Variants in PHIP observed in about 807,000 individuals in gnomAD.
PHIP encodes PH-interacting protein.
Under a neutral mutation model 236.8 loss-of-function variants are expected in PHIP, and 54 were observed. The ratio of observed to expected loss-of-function variants is 0.23; its 90% CI spans 0.18 to 0.29. The LOEUF is 0.29. PHIP is among the 10% of genes least tolerant of loss of function. PHIP has a pLI of 1.00. For synonymous variants in PHIP, 756 were observed against 718.9 expected (o/e 1.05, Z -0.83); for missense variants, 1,370 against 2,190.8 (o/e 0.63, Z 7.48).
intron 7 of PHIP, among the ~76,000 whole-genome samples, chr6:79,029,402 T>A (rs1400717534): frequency 1.3e-5 from 2 of 152,126 alleles, no homozygotes; most frequent in Non-Finnish European, 2.9e-5. Flanking sequence ...TCAATGAAAC[T>A]CTTTTAAGAT....
rs542156244 is a variant in PHIP at position 79,008,680 on chromosome 6, G to A, written c.1525-4822C>T. On this transcript the variant is annotated intron_variant, in intron 15 of 39. Transcript: ENST00000275034. The stretch of plus-strand genomic sequence containing the variant: ...CTGCACTTCCTTCTCCTGTCTCCAC[G>A]AGAAAGTAAACTATATACTATAAGA... Among the ~76,000 whole-genome samples, 10 of 152,056 alleles carry A rather than the reference G, an allele frequency of 6.6e-5. No homozygotes were observed. In the East Asian group the frequency reaches 1.2e-3, roughly 18 times the overall value.
chr6:79,073,180 T>A (rs1773976484), intron 4 of PHIP, among the ~76,000 whole-genome samples: 1 of 152,190 alleles, frequency 6.6e-6, no homozygotes. Context: ...ATTTAAAAAG[T>A]TTGTAAATGC....
At chr6:79,010,285 A>T (rs530283144) in intron 15 of PHIP, among the ~76,000 whole-genome samples, 25 of 151,930 alleles carry the variant, frequency 1.6e-4, no homozygotes, top group Non-Finnish European at 3.4e-4. Context: ...TGTTAACATC[A>T]GAAGAAGTAT....
At position 78,983,058 on chromosome 6, in the gene PHIP, G is replaced by A; in HGVS notation, c.2597C>T (p.Pro866Leu). ...TADAGINLQP[P>L]KKVPKNKTKK... Reference sequence around the variant, plus strand: ...GGTTTTATTCTTAGGAACTTTCTTTGGTGGCTGCAGATTAATTCCTGCATC... The same window carrying A: ...GGTTTTATTCTTAGGAACTTTCTTTAGTGGCTGCAGATTAATTCCTGCATC... The change falls in exon 23 of 40, where the codon CCA becomes CTA. Residue 866 changes from proline to leucine, a missense_variant. Around this residue, in one of 14 missense-constraint regions of PHIP, gnomAD observed 76 missense variants for 76.4 expected, o/e 0.99. Transcript: ENST00000275034. 6.2e-7 allele frequency: 1 copy of A among 1,611,734 alleles called. No homozygotes were observed. Among genetic ancestry groups the A allele is most frequent in the Non-Finnish European group, 8.5e-7 (1 of 1,179,186 alleles).
At chr6:78,948,644 G>C (rs375398611) in intron 35 of PHIP, among the ~76,000 whole-genome samples, 1 of 151,980 alleles carries the variant, frequency 6.6e-6, no homozygotes, top group Non-Finnish European at 1.5e-5. Context: ...ACAGGCAGGC[G>C]CTACCACACC....
intron 35 of PHIP, among the ~76,000 whole-genome samples, chr6:78,953,163 A>C (rs796331973): frequency 6.6e-5 from 10 of 152,082 alleles, no homozygotes; most frequent in African/African-American, 2.4e-4. Context: ...GTTTAGGAAA[A>C]TTTCTCCTCT....
chr6:79,034,998 G>C (rs1771858561), intron 7 of PHIP, among the ~76,000 whole-genome samples: 1 of 152,136 alleles, frequency 6.6e-6, no homozygotes, highest in Admixed American at 6.6e-5. Context: ...TTGGAACCAA[G>C]ATGGCCAACT....
chr6:78,941,342 C>A lies in PHIP; in HGVS notation c.4829-12G>T. ...GTTCTTACAATCTCCTAAAAGGGAA[C>A]AACAGTACACTTAATATATGGAGTT... On this transcript the variant is annotated splice_polypyrimidine_tract_variant and intron_variant, in intron 39 of 39. Coordinates refer to ENST00000275034, the MANE Select transcript of PHIP (RefSeq NM_017934.7). 6.3e-7 allele frequency: 1 copy of A among 1,591,236 alleles called. No individual in the cohort carries two copies. Among genetic ancestry groups the A allele is most frequent in the South Asian group, 1.1e-5 (1 of 87,582 alleles).
intron 6 of PHIP, among the ~76,000 whole-genome samples, chr6:79,056,496 G>A (rs892634065): frequency 1.3e-5 from 2 of 152,104 alleles, no homozygotes; most frequent in Non-Finnish European, 2.9e-5. Context: ...GCATGACATG[G>A]TAATATGTGC....
At chr6:79,006,435 ATC>A (rs1770295820) in intron 15 of PHIP, among the ~76,000 whole-genome samples, 1 of 152,086 alleles carries the variant, frequency 6.6e-6, no homozygotes, top group Non-Finnish European at 1.5e-5. Context: ...AAAGAATTTT[ATC>A]TTTTTAAACA....
At chr6:78,962,590 T>C (rs1387489048) in intron 30 of PHIP, among the ~76,000 whole-genome samples, 1 of 152,150 alleles carries the variant, frequency 6.6e-6, no homozygotes, top group Non-Finnish European at 1.5e-5. Flanking sequence ...CCACATAATC[T>C]AGTTACTTCA....
intron 20 of PHIP, among the ~76,000 whole-genome samples, chr6:78,990,323 A>C (rs1000419505): frequency 4.6e-5 from 7 of 152,194 alleles, no homozygotes; most frequent in East Asian, 1.9e-4. Flanking sequence ...GGAAGTACGT[A>C]TCTCTCTCAA....
rs567009583 is a variant in PHIP at position 78,955,806 on chromosome 6, T to C, written c.3783-124A>G. On this transcript the variant is annotated intron_variant, in intron 32 of 39. Coordinates refer to ENST00000275034, the MANE Select transcript of PHIP (RefSeq NM_017934.7). ...AGCTGAAGGCTTGCTTTCTTCTCCA[T>C]TGGCTTACTCCAATAATTTATGCAC... 7.0e-5 allele frequency: 34 copies of C among 483,732 alleles called. 1 individual carries two copies. Among genetic ancestry groups the C allele is most frequent in the Middle Eastern group, 3.0e-4 (1 of 3,306 alleles). 30.0% of individuals were successfully genotyped at this position (483,732 alleles called of 1,614,324 possible).
intron 7 of PHIP, among the ~76,000 whole-genome samples, chr6:79,034,792 G>A (rs1282778614): frequency 6.6e-6 from 1 of 152,154 alleles, no homozygotes. Flanking sequence ...TAATTTACAG[G>A]AAGCAGCATA....
At chr6:79,055,689 T>C (rs1773032718) in intron 6 of PHIP, among the ~76,000 whole-genome samples, 3 of 152,180 alleles carry the variant, frequency 2.0e-5, no homozygotes, top group African/African-American at 7.2e-5. Context: ...AGTTCAATTT[T>C]CACAACTTAC....
intron 7 of PHIP, among the ~76,000 whole-genome samples, chr6:79,034,526 CA>C (rs1445945534): frequency 6.6e-6 from 1 of 152,138 alleles, no homozygotes. Context: ...TCTATGCCCC[CA>C]AATTTTAATA....
chr6:79,009,057 T>C (rs1770440877), intron 15 of PHIP, among the ~76,000 whole-genome samples: 1 of 152,136 alleles, frequency 6.6e-6, no homozygotes, highest in South Asian at 2.1e-4. Context: ...ATTAAAGTAG[T>C]TGTCCTCACA....
rs1431151003 is a variant in PHIP, at chr6:79,060,825, T to C, written c.190-7A>G. 1 of 1,574,882 alleles carries C rather than the reference T, an allele frequency of 6.3e-7. No homozygotes were observed. Among genetic ancestry groups the C allele is most frequent in the Non-Finnish European group, 8.6e-7 (1 of 1,156,334 alleles). ...AGTGTCTGTAATACTTCACCTATTATGTAAAAGACAAATATAGTAGGTTTC... is the reference window on the plus strand; with the variant it reads ...AGTGTCTGTAATACTTCACCTATTACGTAAAAGACAAATATAGTAGGTTTC... On this transcript the variant is annotated splice_region_variant and splice_polypyrimidine_tract_variant and intron_variant, in intron 4 of 39. Transcript: ENST00000275034.
chr6:79,056,047 C>A (rs1773052154), intron 6 of PHIP, among the ~76,000 whole-genome samples: 1 of 152,158 alleles, frequency 6.6e-6, no homozygotes. Flanking sequence ...TACTACTTTT[C>A]ATTTAATATT....
Sources: gnomAD v4.1 joint callset for allele counts (sites outside exome capture counted in the v4.1 genomes callset) on GRCh38, gnomAD v4.1.1 for gene constraint, gnomAD v4.1.1 regional missense constraint, MANE v1.5 for transcripts, NCBI Gene and HGNC (gene_info 2026-07-23, HGNC 2026-07-21) for gene names.